Variants in ATP6V1C2 observed in about 807,000 individuals in gnomAD.
ATP6V1C2 encodes the protein ATPase H+ transporting V1 subunit C2, also known as V-type proton ATPase subunit C 2.
Under a neutral mutation model 56.8 loss-of-function variants are expected in ATP6V1C2, and 45 were observed. The ratio of observed to expected loss-of-function variants is 0.79; its 90% CI spans 0.62 to 1.02. The LOEUF (loss-of-function observed/expected upper bound fraction) is 1.02, where lower values mean the gene tolerates loss of function less well. Ranked by LOEUF, ATP6V1C2 falls within the 50% of genes least tolerant of loss-of-function variation. The probability of loss-of-function intolerance (pLI) is 0.00; values close to 1 mark genes in which losing one functional copy is unlikely to be tolerated. For missense variants in ATP6V1C2, 463 were observed against 519.7 expected (o/e 0.89, Z 1.06); for synonymous variants, 220 against 201.3 (o/e 1.09, Z -0.79).
intron 2 of ATP6V1C2, among the ~76,000 whole-genome samples, chr2:10,724,932 A>G (rs757653021): frequency 5.3e-5 from 8 of 152,056 alleles, no homozygotes; most frequent in Non-Finnish European, 8.8e-5. Context: ...TACAGGTGTG[A>G]GCCACTGTGC....
In ATP6V1C2 at chr2:10,780,510, G is replaced by A. The variant is rs1192295756; in HGVS notation, c.1062-1733G>A. 1.3e-5 allele frequency among the ~76,000 whole-genome samples: 2 copies of A among 152,168 alleles called. No homozygotes were observed. The highest frequency in any genetic ancestry group is 2.9e-5 in the Non-Finnish European group (2 of 68,030). ...CCTGTACCCATGCGCACCTGTGCACGCCCATCTCAAAAGCCTGTACCGACA... is the reference window on the plus strand; with the variant it reads ...CCTGTACCCATGCGCACCTGTGCACACCCATCTCAAAAGCCTGTACCGACA... On this transcript the variant is annotated intron_variant, in intron 12 of 13. Coordinates refer to ENST00000272238, the MANE Select transcript of ATP6V1C2 (RefSeq NM_001039362.2). The surrounding 1 kb of genome is among the most constrained non-coding windows in gnomAD (Gnocchi z 4.1).
intron 3 of ATP6V1C2, among the ~76,000 whole-genome samples, chr2:10,752,986 ACT>A (rs995643382): frequency 2.6e-5 from 4 of 152,046 alleles, no homozygotes; most frequent in African/African-American, 7.3e-5. Context: ...ACAGAGCAAG[ACT>A]CTGTCTCCAA....
chr2:10,734,610 G>C (rs536991149), intron 3 of ATP6V1C2, among the ~76,000 whole-genome samples: 7 of 152,194 alleles, frequency 4.6e-5, no homozygotes, highest in African/African-American at 1.7e-4. Flanking sequence ...GAAGATCCTA[G>C]AAAGACAAAG....
intron 3 of ATP6V1C2, among the ~76,000 whole-genome samples, chr2:10,735,575 A>G (rs1410972667): frequency 6.7e-6 from 1 of 149,420 alleles, no homozygotes; most frequent in Non-Finnish European, 1.5e-5. Context: ...ATGTGAACAA[A>G]TCTCCTGGTC....
At chr2:10,781,587 G>A (rs187111657) in intron 12 of ATP6V1C2, among the ~76,000 whole-genome samples, 4 of 152,178 alleles carry the variant, frequency 2.6e-5, no homozygotes, top group Admixed American at 1.3e-4. Flanking sequence ...GTGGAAGGGC[G>A]TGTAAAAACA....
chr2:10,750,885 C>A (rs1432823866), intron 3 of ATP6V1C2, among the ~76,000 whole-genome samples: 1 of 152,158 alleles, frequency 6.6e-6, no homozygotes, highest in Non-Finnish European at 1.5e-5. Context: ...CATTTTAGAA[C>A]AGTGCTTGGC....
intron 12 of ATP6V1C2, among the ~76,000 whole-genome samples, chr2:10,781,921 C>A (rs6705068): frequency 0.029 from 4,403 of 152,282 alleles, 242 homozygotes; most frequent in African/African-American, 0.1. Context: ...GGGTTTTAGA[C>A]AAACGCCTTG....
At chr2:10,721,763 G>A (rs1661371718) in intron 1 of ATP6V1C2, 32 bp downstream of exon 1, 2 of 152,118 alleles carry the variant, frequency 1.3e-5, no homozygotes, top group African/African-American at 4.8e-5. Context: ...GGGACCCGAG[G>A]CAGGGGCGGG....
Position 10,784,229 on chromosome 2 carries a change from A to G in ATP6V1C2, c.*966A>G. On this transcript the variant is annotated 3_prime_UTR_variant, in exon 14 of 14. Coordinates refer to ENST00000272238, the MANE Select transcript of ATP6V1C2 (RefSeq NM_001039362.2). ...AAAATCCACTGGCTCCCAAGAAAAGAAAATGGTCTGAAGCCTCTGTTGTGG... is the reference window on the plus strand; with the variant it reads ...AAAATCCACTGGCTCCCAAGAAAAGGAAATGGTCTGAAGCCTCTGTTGTGG... 6.3e-7 allele frequency: 1 copy of G among 1,581,472 alleles called. No homozygotes were observed. Among genetic ancestry groups the G allele is most frequent in the African/African-American group, 1.4e-5 (1 of 73,966 alleles).
chr2:10,782,801 A>C (rs7574339), intron 13 of ATP6V1C2, among the ~76,000 whole-genome samples: 11,315 of 131,174 alleles, frequency 0.086, 1,565 homozygotes, highest in African/African-American at 0.3. Context: ...ACTACACTCC[A>C]GCCTGGCGAC....
At chr2:10,771,740 T>C in intron 6 of ATP6V1C2, 99 bp from the exon 7 acceptor site, 1 of 895,980 alleles carries the variant, frequency 1.1e-6, no homozygotes, top group Non-Finnish European at 1.9e-6. Context: ...CCACCCTTCC[T>C]TGAGAACTGC....
intron 3 of ATP6V1C2, among the ~76,000 whole-genome samples, chr2:10,749,583 T>C (rs11686660): frequency 0.029 from 4,408 of 152,298 alleles, 208 homozygotes; most frequent in African/African-American, 0.1. Flanking sequence ...GACAGTCTCA[T>C]ACACTGAGGT....
At chr2:10,762,439 C>T (rs962949606) in intron 4 of ATP6V1C2, among the ~76,000 whole-genome samples, 2 of 152,120 alleles carry the variant, frequency 1.3e-5, no homozygotes, top group Admixed American at 6.5e-5. Flanking sequence ...CCACCACGCC[C>T]GGCAAAGCAT....
At position 10,763,699 on chromosome 2, in the gene ATP6V1C2, GC is replaced by G. The variant is rs533996746; in HGVS notation, c.284-629del. 1.4e-4 allele frequency among the ~76,000 whole-genome samples: 21 copies of G among 152,304 alleles called. No individual in the cohort carries two copies. In the East Asian group the frequency reaches 3.9e-3, roughly 28 times the overall value. On this transcript the variant is annotated intron_variant, in intron 4 of 13. Transcript: ENST00000272238. This position sits in a 1 kb window ranked among gnomAD's most constrained non-coding sequence, Gnocchi z 4.2. ...AAGAGGTCAGGTCCTGGGGCGGCTG[GC>G]CCAGGTAGCTCTCTTCAAGAGTGTG...
intron 10 of ATP6V1C2, among the ~76,000 whole-genome samples, chr2:10,776,277 G>GTA (rs1553334601): frequency 2.7e-5 from 4 of 146,660 alleles, no homozygotes; most frequent in Non-Finnish European, 6.1e-5. Flanking sequence ...GTGTGTGTGT[G>GTA]TGTGCGCGCG....
chr2:10,749,341 GT>G (rs1215425716), intron 3 of ATP6V1C2, among the ~76,000 whole-genome samples: 3 of 151,142 alleles, frequency 2.0e-5, no homozygotes, highest in Non-Finnish European at 3.0e-5. Flanking sequence ...CCAAAAAAAA[GT>G]TTTTTTTAAA....
At chr2:10,773,197 T>C (rs987003171) in intron 8 of ATP6V1C2, among the ~76,000 whole-genome samples, 2 of 151,928 alleles carry the variant, frequency 1.3e-5, no homozygotes, top group African/African-American at 4.8e-5. Flanking sequence ...GGGTCTGAAA[T>C]GGATGTGAAA....
chr2:10,740,539 C>G (rs538466971), intron 3 of ATP6V1C2, among the ~76,000 whole-genome samples: 14 of 152,296 alleles, frequency 9.2e-5, no homozygotes, highest in African/African-American at 3.4e-4. Context: ...GTCTCCAGAA[C>G]TTCAATGTGT....
chr2:10,772,866 C>T (rs1358871183), intron 8 of ATP6V1C2, among the ~76,000 whole-genome samples: 3 of 152,244 alleles, frequency 2.0e-5, no homozygotes, highest in Non-Finnish European at 4.4e-5. Context: ...GCCGAGCAGC[C>T]TCTCCACGCC....
Sources: gnomAD v4.1 joint callset for allele counts (sites outside exome capture counted in the v4.1 genomes callset) on GRCh38, gnomAD v4.1.1 for gene constraint, Gnocchi (gnomAD v3.1) non-coding constraint, MANE v1.5 for transcripts, NCBI Gene and HGNC (gene_info 2026-07-23, HGNC 2026-07-21) for gene names.